The following ZNF385D variants were observed in gnomAD, a reference collection of about 807,000 sequenced individuals.
ZNF385D encodes zinc finger protein 385D.
ZNF385D carries 15 observed loss-of-function variants against 35.8 expected under a neutral mutation model. That is an observed-to-expected ratio of 0.42 (90% confidence interval 0.28 to 0.64). ZNF385D has a LOEUF of 0.64. ZNF385D is among the 30% of genes least tolerant of loss of function. ZNF385D has a pLI of 0.23. For missense variants in ZNF385D, 474 were observed against 494.6 expected (o/e 0.96, Z 0.39); for synonymous variants, 212 against 186.8 (o/e 1.13, Z -1.10).
intron 1 of ZNF385D, among the ~76,000 whole-genome samples, chr3:21,735,266 G>C (rs919200368): frequency 6.6e-6 from 1 of 152,090 alleles, no homozygotes. Context: ...CTAGAAGTGT[G>C]GTGAAGAAAT....
At chr3:21,564,196 T>C (rs982952519) in intron 3 of ZNF385D, among the ~76,000 whole-genome samples, 1 of 152,160 alleles carries the variant, frequency 6.6e-6, no homozygotes, top group African/African-American at 2.4e-5. Flanking sequence ...AATCTTGATC[T>C]TAAAATATGA....
chr3:21,839,825 G>GT (rs1291072084), intron 3 of ZNF385D, among the ~76,000 whole-genome samples: 1 of 151,964 alleles, frequency 6.6e-6, no homozygotes, highest in African/African-American at 2.4e-5. Context: ...ACTCCCACAT[G>GT]TATTACTGGC....
chr3:21,513,440 T>C (rs1368829672), intron 3 of ZNF385D, among the ~76,000 whole-genome samples: 1 of 152,148 alleles, frequency 6.6e-6, no homozygotes, highest in Non-Finnish European at 1.5e-5. Context: ...TATTCACTCG[T>C]TTATTGAATG....
chr3:22,233,174 C>A (rs1698992684), intron 2 of ZNF385D, among the ~76,000 whole-genome samples: 2 of 147,150 alleles, frequency 1.4e-5, no homozygotes, highest in Admixed American at 6.8e-5. Flanking sequence ...AATAAGAAAT[C>A]TATGTATTAT....
chr3:22,305,724 A>T (rs753777689), intron 2 of ZNF385D, among the ~76,000 whole-genome samples: 16 of 152,168 alleles, frequency 1.1e-4, no homozygotes, highest in Non-Finnish European at 1.9e-4. Context: ...GGAGCCTAGG[A>T]AGTATATTTC....
At chr3:22,044,229 T>C (rs1698848776) in intron 3 of ZNF385D, among the ~76,000 whole-genome samples, 1 of 152,104 alleles carries the variant, frequency 6.6e-6, no homozygotes. Flanking sequence ...GGTTCACTTA[T>C]TTGTTTGTTT....
At chr3:22,111,857 T>TG (rs1334634926) in intron 3 of ZNF385D, among the ~76,000 whole-genome samples, 6 of 152,278 alleles carry the variant, frequency 3.9e-5, no homozygotes, top group Non-Finnish European at 5.9e-5. Flanking sequence ...CACAGAGAGC[T>TG]GGGTTTACAG....
intron 3 of ZNF385D, among the ~76,000 whole-genome samples, chr3:21,525,458 C>T (rs1392292609): frequency 9.2e-5 from 14 of 151,950 alleles, no homozygotes; most frequent in East Asian, 1.9e-4. Context: ...GAAGCCGAGG[C>T]GGGCAGATCA....
intron 2 of ZNF385D, among the ~76,000 whole-genome samples, chr3:22,307,975 C>T (rs896761900): frequency 2.6e-5 from 4 of 151,948 alleles, no homozygotes; most frequent in Non-Finnish European, 5.9e-5. Flanking sequence ...TTAGTTGAAT[C>T]AGATTTTTAA....
chr3:21,436,155 G>A (rs906126246), intron 5 of ZNF385D, among the ~76,000 whole-genome samples: 23 of 152,250 alleles, frequency 1.5e-4, no homozygotes, highest in African/African-American at 4.3e-4. Context: ...GTGTATGTGT[G>A]TGTGTGTGTG....
chr3:22,361,945 G>A (rs1424510053), intron 2 of ZNF385D, among the ~76,000 whole-genome samples: 1 of 151,664 alleles, frequency 6.6e-6, no homozygotes, highest in Non-Finnish European at 1.5e-5. Context: ...GAACTAGCAG[G>A]AAAAATAAAA....
intron 2 of ZNF385D, among the ~76,000 whole-genome samples, chr3:22,288,626 G>C (rs1173571603): frequency 6.6e-6 from 1 of 151,980 alleles, no homozygotes; most frequent in Non-Finnish European, 1.5e-5. Flanking sequence ...TTCTCAGTTT[G>C]TTGATATTTT....
At chr3:22,005,339 A>C (rs911763454) in intron 3 of ZNF385D, among the ~76,000 whole-genome samples, 2 of 152,064 alleles carry the variant, frequency 1.3e-5, no homozygotes, top group East Asian at 3.9e-4. Flanking sequence ...CTGTCAGTGG[A>C]AATATAAATT....
At chr3:21,649,066 TACTC>T (rs1187527807) in intron 2 of ZNF385D, among the ~76,000 whole-genome samples, 1 of 152,192 alleles carries the variant, frequency 6.6e-6, no homozygotes, top group African/African-American at 2.4e-5. Context: ...ACCATCTTGA[TACTC>T]AATATGTGGT....
chr3:22,192,643 G>A (rs531943498), intron 2 of ZNF385D, among the ~76,000 whole-genome samples: 2 of 152,288 alleles, frequency 1.3e-5, no homozygotes, highest in Admixed American at 1.3e-4. Context: ...GATTATTGAT[G>A]TCATGGCCAA....
At chr3:22,075,265 A>C (rs1198489949) in intron 3 of ZNF385D, among the ~76,000 whole-genome samples, 1 of 151,866 alleles carries the variant, frequency 6.6e-6, no homozygotes, top group African/African-American at 2.4e-5. Flanking sequence ...TGCACACTCT[A>C]ATCACTTAAC....
chr3:21,697,492 T>C (rs1327009153), intron 1 of ZNF385D, among the ~76,000 whole-genome samples: 2 of 152,158 alleles, frequency 1.3e-5, no homozygotes, highest in East Asian at 3.9e-4. Context: ...AGAATTGTAC[T>C]GTCTAATATG....
At chr3:22,354,082 A>G (rs976261884) in intron 2 of ZNF385D, among the ~76,000 whole-genome samples, 1 of 152,002 alleles carries the variant, frequency 6.6e-6, no homozygotes, top group African/African-American at 2.4e-5. Flanking sequence ...CCAATGCTCC[A>G]TCTGCTTCTC....
intron 3 of ZNF385D, among the ~76,000 whole-genome samples, chr3:21,844,496 A>C (rs1221831973): frequency 6.6e-6 from 1 of 151,580 alleles, no homozygotes; most frequent in Non-Finnish European, 1.5e-5. Context: ...CCTATGTGTC[A>C]AGTGGAGGAT....
Sources: allele counts gnomAD v4.1 joint callset (sites outside exome capture counted in the v4.1 genomes callset), GRCh38; gene constraint gnomAD v4.1.1; transcripts MANE v1.5; gene names NCBI Gene and HGNC (gene_info 2026-07-23, HGNC 2026-07-21).